RASA3: variants seen among roughly 807,000 people sequenced by gnomAD.
RASA3 encodes the protein ras GTPase-activating protein 3.
RASA3 carries 73 observed loss-of-function variants against 110.0 expected under a neutral mutation model. The observed-to-expected ratio is 0.66, with a 90% confidence interval of 0.55 to 0.81. The LOEUF is 0.81. Ranked by LOEUF, RASA3 falls within the 30% of genes least tolerant of loss-of-function variation. The probability of loss-of-function intolerance (pLI) is 0.00; values close to 1 mark genes in which losing one functional copy is unlikely to be tolerated. For synonymous variants in RASA3, 500 were observed against 451.4 expected, an observed-to-expected ratio of 1.11 and a Z score of -1.37; for missense variants, 976 against 1,113.2, an observed-to-expected ratio of 0.88 and a Z score of 1.75.
At chr13:114,080,465 C>T (rs2079766047) in intron 1 of RASA3, among the ~76,000 whole-genome samples, 1 of 152,214 alleles carries the variant, frequency 6.6e-6, no homozygotes, top group Admixed American at 6.5e-5. Context: ...TCCCTCCAGT[C>T]TCCACGGCTC....
chr13:113,981,580 C>T (rs984040050), intron 23 of RASA3, 95 bp downstream of exon 23: 18 of 1,383,906 alleles, frequency 1.3e-5, no homozygotes, highest in Middle Eastern at 5.1e-4. Flanking sequence ...TGAGCACGGG[C>T]GGCCCCACCC....
chr13:114,016,961 C>T (rs1213805458), intron 12 of RASA3, among the ~76,000 whole-genome samples: 3 of 152,196 alleles, frequency 2.0e-5, no homozygotes, highest in Non-Finnish European at 4.4e-5. Flanking sequence ...AAGAAGGTCT[C>T]CCTGGGAAGA....
chr13:114,038,993 G>A (rs1222203165), intron 4 of RASA3, among the ~76,000 whole-genome samples: 1 of 152,230 alleles, frequency 6.6e-6, no homozygotes, highest in African/African-American at 2.4e-5. Context: ...AATTTACGAT[G>A]CGCCAGGTGC....
chr13:114,064,750 T>C (rs2079417058), intron 2 of RASA3, among the ~76,000 whole-genome samples: 1 of 152,180 alleles, frequency 6.6e-6, no homozygotes, highest in African/African-American at 2.4e-5. Context: ...CCTCGGGGTA[T>C]CTCTTGGACA....
intron 1 of RASA3, among the ~76,000 whole-genome samples, chr13:114,099,591 G>A (rs1192144696): frequency 1.4e-5 from 2 of 140,532 alleles, no homozygotes; most frequent in African/African-American, 2.6e-5. Flanking sequence ...CCCAAATGCA[G>A]GGTCAGCGCC....
chr13:114,108,157 C>A (rs148508063), intron 1 of RASA3, among the ~76,000 whole-genome samples: 1 of 152,142 alleles, frequency 6.6e-6, no homozygotes, highest in Non-Finnish European at 1.5e-5. Context: ...ATCCCACAAC[C>A]CATCATCCTC....
At chr13:114,010,931 C>T (rs897075259) in intron 16 of RASA3, among the ~76,000 whole-genome samples, 9 of 150,982 alleles carry the variant, frequency 6.0e-5, no homozygotes, top group South Asian at 4.2e-4. Flanking sequence ...GCTCCTGCCA[C>T]GGGGCCGGCG....
At chr13:114,015,911 G>C (rs566162568) in intron 13 of RASA3, among the ~76,000 whole-genome samples, 7 of 152,240 alleles carry the variant, frequency 4.6e-5, no homozygotes, top group Non-Finnish European at 7.4e-5. Context: ...ACCCTCCGGG[G>C]GGGCAGAGCT....
intron 5 of RASA3, among the ~76,000 whole-genome samples, chr13:114,028,594 G>A (rs72659540): frequency 0.42 from 61,183 of 146,024 alleles, 13,006 homozygotes; most frequent in Middle Eastern, 0.56. Context: ...CATCATCCTG[G>A]GGCAACCTCT....
chr13:114,047,025 A>G (rs1287653585), intron 3 of RASA3, among the ~76,000 whole-genome samples: 1 of 152,228 alleles, frequency 6.6e-6, no homozygotes, highest in East Asian at 1.9e-4. Context: ...ACTTTCTTAG[A>G]CATGACACCA....
At chr13:114,002,757 C>T (rs1176051989) in intron 18 of RASA3, among the ~76,000 whole-genome samples, 2 of 152,194 alleles carry the variant, frequency 1.3e-5, no homozygotes, top group African/African-American at 4.8e-5. Context: ...CAGCTCTGGT[C>T]TGGGCGCCTG....
At chr13:114,070,361 G>A (rs1386431384) in intron 2 of RASA3, among the ~76,000 whole-genome samples, 1 of 152,104 alleles carries the variant, frequency 6.6e-6, no homozygotes, top group African/African-American at 2.4e-5. Context: ...CCTCTCAGGT[G>A]GATGTCGACC....
At chr13:114,131,000 G>A (rs1186076120) in intron 1 of RASA3, among the ~76,000 whole-genome samples, 2 of 152,248 alleles carry the variant, frequency 1.3e-5, no homozygotes, top group African/African-American at 4.8e-5. Flanking sequence ...CGCCAGCTCT[G>A]GCTTTCTTGT....
intron 4 of RASA3, among the ~76,000 whole-genome samples, chr13:114,039,003 C>G (rs745902251): frequency 6.6e-6 from 1 of 152,248 alleles, no homozygotes; most frequent in East Asian, 1.9e-4. Context: ...GCGCCAGGTG[C>G]CTTCGAGTGG....
At chr13:114,009,203 G>A (rs1445887060) in intron 17 of RASA3, among the ~76,000 whole-genome samples, 184 bp downstream of exon 17, 3 of 152,246 alleles carry the variant, frequency 2.0e-5, no homozygotes, top group African/African-American at 7.2e-5. Flanking sequence ...CCAACTGTGG[G>A]AGGAGGTGTC....
At chr13:114,092,661 A>G (rs1267008972) in intron 1 of RASA3, among the ~76,000 whole-genome samples, 1 of 152,112 alleles carries the variant, frequency 6.6e-6, no homozygotes, top group Non-Finnish European at 1.5e-5. Flanking sequence ...ATATTCTGTT[A>G]ATGTTTGTCA....
intron 2 of RASA3, among the ~76,000 whole-genome samples, chr13:114,052,722 C>T (rs1382634961): frequency 6.7e-6 from 1 of 150,146 alleles, no homozygotes; most frequent in Non-Finnish European, 1.5e-5. Context: ...GTCCTCGCTC[C>T]TGGGGGAGAG....
intron 22 of RASA3, among the ~76,000 whole-genome samples, 157 bp downstream of exon 22, chr13:113,992,328 G>A (rs1444457498): frequency 6.6e-6 from 1 of 152,234 alleles, no homozygotes; most frequent in Non-Finnish European, 1.5e-5. Flanking sequence ...CCTGCAAAAA[G>A]CTTTTCGCAT....
At chr13:114,017,830 C>G (rs930894738) in intron 11 of RASA3, among the ~76,000 whole-genome samples, 1 of 152,016 alleles carries the variant, frequency 6.6e-6, no homozygotes, top group African/African-American at 2.4e-5. Flanking sequence ...CAAAGTGCCC[C>G]AGGGAGGGGA....
Sources: allele counts gnomAD v4.1 joint callset (sites outside exome capture counted in the v4.1 genomes callset), GRCh38; gene constraint gnomAD v4.1.1; transcripts MANE v1.5; gene names NCBI Gene and HGNC (gene_info 2026-07-23, HGNC 2026-07-21).